Variants in DOCK7 observed in about 807,000 individuals in gnomAD.
DOCK7 encodes dedicator of cytokinesis 7.
DOCK7 carries 138 observed loss-of-function variants against 271.0 expected under a neutral mutation model. The observed-to-expected ratio is 0.51, with a 90% CI of 0.44 to 0.59. DOCK7 has a LOEUF of 0.59. Among genes scored for constraint, DOCK7 ranks in the 20% least tolerant of loss-of-function variants. The pLI is 0.00. For synonymous variants in DOCK7, 823 were observed against 876.1 expected (o/e 0.94, Z 1.07); for missense variants, 2,066 against 2,592.4 (o/e 0.80, Z 4.41).
intron 14 of DOCK7, among the ~76,000 whole-genome samples, chr1:62,591,704 C>A (rs890406678): frequency 6.6e-6 from 1 of 152,120 alleles, no homozygotes; most frequent in Non-Finnish European, 1.5e-5. Context: ...CTTTGCTTTG[C>A]GGGCATGGAC....
At chr1:62,476,251 T>C (rs1242953797) in intron 44 of DOCK7, 95 bp from the exon 45 acceptor site, 5 of 792,620 alleles carry the variant, frequency 6.3e-6, no homozygotes, top group Non-Finnish European at 1.0e-5. Flanking sequence ...TTAGGAGAAT[T>C]AGTGAGTTCT....
chr1:62,563,712 G>C (rs1472763039), intron 18 of DOCK7, among the ~76,000 whole-genome samples: 2 of 151,864 alleles, frequency 1.3e-5, no homozygotes, highest in Non-Finnish European at 2.9e-5. Flanking sequence ...AACTCCGAAT[G>C]TAAACGGGCT....
chr1:62,596,026 A>C (rs1388220134), intron 14 of DOCK7, among the ~76,000 whole-genome samples: 1 of 152,190 alleles, frequency 6.6e-6, no homozygotes, highest in Middle Eastern at 3.2e-3. Context: ...TGTGTTAAAA[A>C]GCTATTAACT....
chr1:62,497,197 T>C (rs76880911), intron 37 of DOCK7, among the ~76,000 whole-genome samples: 1 of 152,266 alleles, frequency 6.6e-6, no homozygotes, highest in East Asian at 1.9e-4. Context: ...TTCCTATTCT[T>C]TTTCGACTCT....
chr1:62,680,393 T>C (rs1158409737), intron 1 of DOCK7, among the ~76,000 whole-genome samples: 1 of 152,118 alleles, frequency 6.6e-6, no homozygotes, highest in African/African-American at 2.4e-5. Context: ...GAATTCAAGA[T>C]GGATTAAAGA....
At chr1:62,614,888 A>G (rs1056749633) in intron 14 of DOCK7, among the ~76,000 whole-genome samples, 3 of 151,902 alleles carry the variant, frequency 2.0e-5, no homozygotes, top group African/African-American at 7.2e-5. Context: ...CTTGAATAAT[A>G]TCATTTTGTT....
intron 21 of DOCK7, among the ~76,000 whole-genome samples, chr1:62,553,348 A>T (rs1247382238): frequency 6.2e-4 from 14 of 22,618 alleles, no homozygotes; most frequent in African/African-American, 3.0e-3. Flanking sequence ...ATATATATAT[A>T]TATATATTTT....
chr1:62,521,288 A>G (rs1376649711), intron 31 of DOCK7, among the ~76,000 whole-genome samples: 3 of 152,194 alleles, frequency 2.0e-5, no homozygotes, highest in Admixed American at 2.0e-4. Context: ...TATAAACAGC[A>G]TTTAACTAAA....
intron 1 of DOCK7, among the ~76,000 whole-genome samples, chr1:62,669,974 G>T (rs1326389862): frequency 3.3e-5 from 5 of 152,182 alleles, no homozygotes; most frequent in Non-Finnish European, 5.9e-5. Context: ...GGTGGGCCCC[G>T]CACTCGGAGC....
At chr1:62,595,059 G>T (rs1649024366) in intron 14 of DOCK7, among the ~76,000 whole-genome samples, 1 of 152,028 alleles carries the variant, frequency 6.6e-6, no homozygotes, top group Non-Finnish European at 1.5e-5. Flanking sequence ...GGGTAAGATG[G>T]AAATGAAGAA....
chr1:62,602,850 T>C (rs1465467478), intron 14 of DOCK7, among the ~76,000 whole-genome samples: 2 of 151,570 alleles, frequency 1.3e-5, no homozygotes, highest in Non-Finnish European at 3.0e-5. Flanking sequence ...AAATATAATA[T>C]ATAGAATGTA....
intron 1 of DOCK7, among the ~76,000 whole-genome samples, chr1:62,666,150 T>TGG (rs1659295106): frequency 3.3e-5 from 5 of 151,858 alleles, no homozygotes; most frequent in Non-Finnish European, 5.9e-5. Flanking sequence ...GGCGACAGAG[T>TGG]GAGACTCTGT....
Position 62,513,448 on chromosome 1 carries a change from A to C in DOCK7, c.4278T>G (p.Pro1426=). The C allele has an allele frequency of 6.3e-7, 1 of 1,588,354 alleles. No individual in the cohort carries two copies. ...GGAAATTGAAGAAATTCTCACCAGGAGGAGAAGCTATTGTGTACGTACCGA... is the reference window on the plus strand; with the variant it reads ...GGAAATTGAAGAAATTCTCACCAGGCGGAGAAGCTATTGTGTACGTACCGA... ...GQLGTYTIAS[P]PERSPSGSAF... The change falls in exon 33 of 50, where the codon CCT becomes CCG. Residue 1426 remains proline, a synonymous_variant. Transcript: ENST00000635253.
At chr1:62,678,755 TAA>T (rs1463152733) in intron 1 of DOCK7, among the ~76,000 whole-genome samples, 3 of 152,092 alleles carry the variant, frequency 2.0e-5, no homozygotes, top group African/African-American at 7.2e-5. Flanking sequence ...TGATTATACC[TAA>T]GATTATTTAT....
At chr1:62,501,707 T>G (rs1175580284) in intron 37 of DOCK7, among the ~76,000 whole-genome samples, 1 of 152,092 alleles carries the variant, frequency 6.6e-6, no homozygotes, top group Non-Finnish European at 1.5e-5. Flanking sequence ...CAGAGATGTA[T>G]ACATCTGTTT....
At chr1:62,664,058 G>A (rs1286150137) in intron 1 of DOCK7, among the ~76,000 whole-genome samples, 2 of 152,138 alleles carry the variant, frequency 1.3e-5, no homozygotes, top group Admixed American at 1.3e-4. Flanking sequence ...AACCTTAAAA[G>A]AATATTGCTA....
At chr1:62,680,977 C>T (rs1661055840) in intron 1 of DOCK7, among the ~76,000 whole-genome samples, 3 of 152,132 alleles carry the variant, frequency 2.0e-5, no homozygotes, top group African/African-American at 2.4e-5. Flanking sequence ...GACAGTGTGG[C>T]GATTCCTCAA....
chr1:62,636,519 C>A lies in DOCK7; in HGVS notation c.885+18G>T, dbSNP rs990680497. On this transcript the variant is annotated intron_variant, in intron 8 of 49. Transcript: ENST00000635253. ...AATGATTATGACAAATAACTATGGT[C>A]AAATTATATAATCTTACCTTTTTCT... 3 of 1,566,800 alleles carry A rather than the reference C, an allele frequency of 1.9e-6. No homozygotes were observed. The South Asian group carries it at 3.6e-5, about 19-fold the overall frequency.
chr1:62,655,183 G>C (rs987363319), intron 2 of DOCK7, among the ~76,000 whole-genome samples: 7 of 152,020 alleles, frequency 4.6e-5, no homozygotes, highest in Non-Finnish European at 7.4e-5. Context: ...TTTTTAACCA[G>C]ATACTTTTTA....
Sources: gnomAD v4.1 joint callset for allele counts (sites outside exome capture counted in the v4.1 genomes callset) on GRCh38, gnomAD v4.1.1 for gene constraint, MANE v1.5 for transcripts, NCBI Gene and HGNC (gene_info 2026-07-23, HGNC 2026-07-21) for gene names.